IST1: variants seen among roughly 807,000 people sequenced by gnomAD.
IST1 encodes IST1 factor associated with ESCRT-III.
In IST1, 23 loss-of-function variants were observed where a neutral mutation model predicts 37.0. The ratio of observed to expected loss-of-function variants is 0.62; its 90% CI spans 0.45 to 0.88. The LOEUF is 0.88. IST1 is among the 40% of genes least tolerant of loss of function. The pLI is 0.00. For synonymous variants in IST1, 180 were observed against 161.7 expected, an observed-to-expected ratio of 1.11 and a Z score of -0.86; for missense variants, 488 against 445.4, an observed-to-expected ratio of 1.10 and a Z score of -0.86.
Position 71,929,626 on chromosome 16 carries a change from C to A in IST1, c.*1813C>A. ...TGAGGTTTTTTGGGGCCAACTGATT[C>A]CTAACAAATTTGAGAGCTTCTGTAG... On this transcript the variant is annotated 3_prime_UTR_variant, in exon 10 of 10. Coordinates refer to ENST00000378799, the MANE Select transcript of IST1 (RefSeq NM_001270975.2). 6.4e-7 allele frequency: 1 copy of A among 1,551,716 alleles called. No individual in the cohort carries two copies. Among genetic ancestry groups the A allele is most frequent in the Non-Finnish European group, 8.7e-7 (1 of 1,146,876 alleles).
chr16:71,914,447 G>T (rs965975895), intron 1 of IST1, among the ~76,000 whole-genome samples: 3 of 151,982 alleles, frequency 2.0e-5, no homozygotes, highest in Admixed American at 6.6e-5. Flanking sequence ...GATGTGAGCC[G>T]CCGCACCCAG....
At chr16:71,896,488 C>G (rs1473383987) in intron 1 of IST1, among the ~76,000 whole-genome samples, 3 of 152,112 alleles carry the variant, frequency 2.0e-5, no homozygotes, top group Non-Finnish European at 4.4e-5. Context: ...ACGATCAACT[C>G]ATGCCTAATC....
intron 1 of IST1, among the ~76,000 whole-genome samples, chr16:71,908,699 C>G (rs1029378650): frequency 6.6e-6 from 1 of 152,180 alleles, no homozygotes; most frequent in African/African-American, 2.4e-5. Flanking sequence ...TCTGTCTATA[C>G]CAGCGGTCCC....
intron 1 of IST1, among the ~76,000 whole-genome samples, chr16:71,900,142 G>A (rs1480038847): frequency 1.3e-5 from 2 of 149,684 alleles, no homozygotes; most frequent in East Asian, 4.0e-4. Flanking sequence ...TTCCAGCCTG[G>A]GCAACAAGAG....
In IST1 at chr16:71,927,750, A is replaced by G; in HGVS notation, c.1038A>G (p.Ala346=). 1 of 1,614,184 alleles carries G rather than the reference A, an allele frequency of 6.2e-7. No homozygotes were observed. The highest frequency in any genetic ancestry group is 2.2e-5 in the East Asian group (1 of 44,884). The stretch of plus-strand genomic sequence containing the variant: ...CATCTGCTGGTGCCAGCACCTCAGC[A>G]TCTGAAGACATTGACTTTGATGATC... ...PTASAGASTS[A]SEDIDFDDLS... The change falls in exon 10 of 10, where the codon GCA becomes GCG. Residue 346 remains alanine (A), a synonymous_variant. Transcript: ENST00000378799.
intron 1 of IST1, among the ~76,000 whole-genome samples, chr16:71,897,008 T>C (rs115748586): frequency 0.01 from 1,596 of 152,084 alleles, 24 homozygotes; most frequent in African/African-American, 0.035. Context: ...ACTTCCTCTT[T>C]TTTTGTATTT....
chr16:71,927,880 G>T lies in IST1; in HGVS notation c.*67G>T. 9.1e-7 allele frequency: 1 copy of T among 1,094,406 alleles called. No homozygotes were observed. The highest frequency in any genetic ancestry group is 1.7e-5 in the Admixed American group (1 of 57,224). 67.8% of individuals were successfully genotyped at this position (1,094,406 alleles called of 1,614,324 possible). A position where few individuals can be genotyped will look rare whatever the true frequency, so the allele number is the denominator to read the frequency against. On this transcript the variant is annotated 3_prime_UTR_variant, in exon 10 of 10. Coordinates refer to ENST00000378799, the MANE Select transcript of IST1 (RefSeq NM_001270975.2). ...CTGAGCAATTTCTCCTTGTAACAAAGAATCTCCATGAAATTCTGTTTCATC... is the reference window on the plus strand; with the variant it reads ...CTGAGCAATTTCTCCTTGTAACAAATAATCTCCATGAAATTCTGTTTCATC...
intron 1 of IST1, among the ~76,000 whole-genome samples, chr16:71,900,118 A>G (rs1272537463): frequency 6.6e-6 from 1 of 151,236 alleles, no homozygotes; most frequent in African/African-American, 2.4e-5. Context: ...GTAGGCTGAA[A>G]TCGCACCATT....
At chr16:71,922,745 A>G in intron 7 of IST1, 65 bp downstream of exon 7, 1 of 1,330,478 alleles carries the variant, frequency 7.5e-7, no homozygotes, top group Non-Finnish European at 1.1e-6. Context: ...TGGCTCTGTG[A>G]ACACACTCAG....
At chr16:71,922,912 G>A (rs953482932) in intron 7 of IST1, 5 of 578,366 alleles carry the variant, frequency 8.6e-6, no homozygotes, top group African/African-American at 1.9e-5. Flanking sequence ...TTTTCATATA[G>A]GTTTACTGAA....
At chr16:71,924,539 C>T (rs994132221) in intron 8 of IST1, 20 of 585,650 alleles carry the variant, frequency 3.4e-5, no homozygotes, top group Middle Eastern at 3.7e-4. Flanking sequence ...TGTGGTGAGC[C>T]GTGATTGTAT....
rs1185465976 is a variant in IST1 at position 71,915,621 on chromosome 16, T to C, written c.-15-5T>C. On this transcript the variant is annotated splice_polypyrimidine_tract_variant and splice_region_variant and intron_variant, in intron 1 of 9. Transcript: ENST00000378799. ...AAATAGTCATTGTGCTTCTTCTGTT[T>C]CTAGGAGGAACAGCACAGCATGCTG... 1 of 1,594,806 alleles carries C rather than the reference T, an allele frequency of 6.3e-7. No homozygotes were observed. Among genetic ancestry groups the C allele is most frequent in the Non-Finnish European group, 8.5e-7 (1 of 1,170,848 alleles).
In IST1 at chr16:71,908,296, C is replaced by CTTTTTTTTTTT. The variant is rs59849119; in HGVS notation, c.-15-7318_-15-7308dup. Among the ~76,000 whole-genome samples the CTTTTTTTTTTT allele has an allele frequency of 7.8e-5, 6 of 76,832 alleles. 1 individual carries two copies. The highest frequency in any genetic ancestry group is 2.1e-4 in the Admixed American group (1 of 4,740). 50.4% of individuals were successfully genotyped at this position (76,832 alleles called of 152,430 possible). ...GAGAAATTTCCCTTACTCGTTGTAG[C>CTTTTTTTTTTT]TTTTTTTTTTTTTTTTTTTTTTGGA... On this transcript the variant is annotated intron_variant, in intron 1 of 9. Transcript: ENST00000378799.
chr16:71,923,299 T>C lies in IST1; in HGVS notation c.771T>C (p.Asn257=). 6.2e-7 allele frequency: 1 copy of C among 1,608,680 alleles called. No homozygotes were observed. Among genetic ancestry groups the C allele is most frequent in the Non-Finnish European group, 8.5e-7 (1 of 1,175,798 alleles). ...TTCTCCTCTTACAGTCAGATTTCAATGGACTGCCAATGGGGACTTATCAGG... is the reference window on the plus strand; with the variant it reads ...TTCTCCTCTTACAGTCAGATTTCAACGGACTGCCAATGGGGACTTATCAGG... ...YPLPKGPSDF[N]GLPMGTYQAF... Residue 257 remains asparagine (N), a synonymous_variant, in exon 8 of 10, where the codon AAT becomes AAC. Coordinates refer to ENST00000378799, the MANE Select transcript of IST1 (RefSeq NM_001270975.2).
At chr16:71,920,877 C>CTGCT (rs772263804) in intron 5 of IST1, 55 bp downstream of exon 5, 2 of 1,225,294 alleles carry the variant, frequency 1.6e-6, no homozygotes, top group Non-Finnish European at 2.4e-6. Context: ...GTTTATTGTA[C>CTGCT]TGCTTGTGGC....
chr16:71,911,089 A>G (rs566616764), intron 1 of IST1, among the ~76,000 whole-genome samples: 1 of 152,216 alleles, frequency 6.6e-6, no homozygotes, highest in African/African-American at 2.4e-5. Flanking sequence ...AAAATACAAA[A>G]AATTAGCTAG....
intron 5 of IST1, 114 bp from the exon 6 acceptor site, chr16:71,921,229 C>T (rs749339835): frequency 1.5e-6 from 1 of 684,674 alleles, no homozygotes; most frequent in Non-Finnish European, 2.6e-6. Flanking sequence ...TGCTCTGAAC[C>T]TTTTTTTCCC....
intron 1 of IST1, chr16:71,903,746 A>G (rs1056691530): frequency 6.6e-5 from 10 of 152,186 alleles, no homozygotes; most frequent in Non-Finnish European, 1.3e-4. Context: ...TATGTCCTAC[A>G]TTCATGAATG....
intron 2 of IST1, 37 bp downstream of exon 2, chr16:71,915,765 C>G: frequency 3.9e-6 from 5 of 1,284,032 alleles, no homozygotes; most frequent in Non-Finnish European, 5.7e-6. Context: ...AAATAAATCA[C>G]TGGATACTAG....
Sources: allele counts gnomAD v4.1 joint callset (sites outside exome capture counted in the v4.1 genomes callset), GRCh38; gene constraint gnomAD v4.1.1; transcripts MANE v1.5; gene names NCBI Gene and HGNC (gene_info 2026-07-23, HGNC 2026-07-21).